The following GALNT13 variants were observed in gnomAD, a reference collection of about 807,000 sequenced individuals.
GALNT13 encodes polypeptide N-acetylgalactosaminyltransferase 13.
A neutral mutation model predicts 64.2 loss-of-function variants in GALNT13; 28 were observed. That is an observed-to-expected ratio of 0.44 (90% confidence interval 0.32 to 0.60). The LOEUF (loss-of-function observed/expected upper bound fraction) is 0.60. Ranked by LOEUF, GALNT13 falls within the 20% of genes least tolerant of loss-of-function variation. The probability of loss-of-function intolerance (pLI) is 0.05; values close to 1 mark genes in which losing one functional copy is unlikely to be tolerated. For missense variants in GALNT13, 577 were observed against 669.8 expected (o/e 0.86, Z 1.53); for synonymous variants, 214 against 224.6 (o/e 0.95, Z 0.42).
intron 3 of GALNT13, among the ~76,000 whole-genome samples, chr2:153,945,377 A>C (rs1691650969): frequency 2.0e-5 from 3 of 152,130 alleles, no homozygotes; most frequent in Admixed American, 2.0e-4. Context: ...ATATATTTCT[A>C]ATGTATTCCT....
chr2:154,371,844 A>G (rs1175702304), intron 9 of GALNT13, among the ~76,000 whole-genome samples: 2 of 151,866 alleles, frequency 1.3e-5, no homozygotes, highest in East Asian at 3.9e-4. Flanking sequence ...AGGTAAGTCA[A>G]CATACACATA....
chr2:153,411,026 A>T, the GALNT13 span, among the ~76,000 whole-genome samples: 689 of 152,012 alleles, frequency 4.5e-3, 6 homozygotes, highest in African/African-American at 0.016. Context: ...CAACAGGCCC[A>T]GCTAATTTTT....
chr2:154,415,174 A>G (rs572203895), intron 11 of GALNT13, among the ~76,000 whole-genome samples: 1 of 152,002 alleles, frequency 6.6e-6, no homozygotes, highest in East Asian at 1.9e-4. Flanking sequence ...TATATTCATA[A>G]TTAGGTAAAA....
chr2:153,270,610 C>A, the GALNT13 span, among the ~76,000 whole-genome samples: 1 of 152,148 alleles, frequency 6.6e-6, no homozygotes, highest in Non-Finnish European at 1.5e-5. Context: ...CCTGTAGTCT[C>A]AGCACTATGT....
intron 9 of GALNT13, among the ~76,000 whole-genome samples, chr2:154,387,610 A>G (rs185762741): frequency 6.6e-6 from 1 of 152,254 alleles, no homozygotes; most frequent in Admixed American, 6.5e-5. Flanking sequence ...GGTAACCATC[A>G]TTCTATTCTC....
At chr2:154,418,951 G>T (rs1233899954) in intron 11 of GALNT13, among the ~76,000 whole-genome samples, 1 of 152,026 alleles carries the variant, frequency 6.6e-6, no homozygotes, top group African/African-American at 2.4e-5. Context: ...TGTTTTTAGA[G>T]ATTCTATTTT....
At chr2:154,270,381 T>C (rs1418852371) in intron 8 of GALNT13, among the ~76,000 whole-genome samples, 1 of 151,992 alleles carries the variant, frequency 6.6e-6, no homozygotes, top group African/African-American at 2.4e-5. Flanking sequence ...TGGTTCTCTT[T>C]TATATTCATT....
In GALNT13 at chr2:154,292,818, CAAT is replaced by C. The variant is rs146417842; in HGVS notation, c.976-8589_976-8587del. Among the ~76,000 whole-genome samples, 233 of 152,198 alleles carry C rather than the reference CAAT, an allele frequency of 1.5e-3. 1 individual carries two copies. The highest frequency in any genetic ancestry group is 5.3e-3 in the African/African-American group (222 of 41,530). Reference sequence around the variant, plus strand: ...GGTACAACAGCTGTAAAATTAGAAACAATAGTAGCACTGGAACTGACATTGCAA... The same window carrying C: ...GGTACAACAGCTGTAAAATTAGAAACAGTAGCACTGGAACTGACATTGCAA... On this transcript the variant is annotated intron_variant, in intron 8 of 12. Coordinates refer to ENST00000392825, the MANE Select transcript of GALNT13 (RefSeq NM_052917.4).
chr2:153,508,828 G>A, the GALNT13 span, among the ~76,000 whole-genome samples: 650 of 152,328 alleles, frequency 4.3e-3, 1 homozygote, highest in Non-Finnish European at 7.3e-3. Flanking sequence ...CCAAGTGGGA[G>A]CTGCATGGTA....
At chr2:153,629,226 G>A in the GALNT13 span, among the ~76,000 whole-genome samples, 1 of 147,550 alleles carries the variant, frequency 6.8e-6, no homozygotes, top group Admixed American at 6.8e-5. Context: ...CATCTATATT[G>A]CATCTACCTG....
the GALNT13 span, among the ~76,000 whole-genome samples, chr2:153,190,156 T>C: frequency 2.0e-5 from 3 of 152,128 alleles, no homozygotes; most frequent in Non-Finnish European, 4.4e-5. Context: ...ATCTTAGCCA[T>C]AAAATGTTTG....
intron 3 of GALNT13, among the ~76,000 whole-genome samples, chr2:154,023,298 A>T (rs1386726192): frequency 6.6e-6 from 1 of 152,176 alleles, no homozygotes; most frequent in African/African-American, 2.4e-5. Flanking sequence ...GGGGTGTTAA[A>T]GTCTCCGATT....
At chr2:153,315,241 A>G in the GALNT13 span, among the ~76,000 whole-genome samples, 16 of 152,266 alleles carry the variant, frequency 1.1e-4, no homozygotes, top group African/African-American at 3.8e-4. Flanking sequence ...TTTATTTCTC[A>G]CCTTTCTGGA....
the GALNT13 span, among the ~76,000 whole-genome samples, chr2:153,801,765 A>G: frequency 9.8e-5 from 15 of 152,328 alleles, no homozygotes; most frequent in Non-Finnish European, 1.6e-4. Context: ...GGGTTGCCAC[A>G]AACTGTCAAT....
chr2:153,843,508 T>G, the GALNT13 span, among the ~76,000 whole-genome samples: 1 of 152,328 alleles, frequency 6.6e-6, no homozygotes, highest in South Asian at 2.1e-4. Context: ...AGACAGAGAC[T>G]ACTATCCAAA....
At chr2:153,087,430 C>T in the GALNT13 span, among the ~76,000 whole-genome samples, 3 of 151,758 alleles carry the variant, frequency 2.0e-5, no homozygotes, top group South Asian at 2.1e-4. Flanking sequence ...GATAATGGTC[C>T]GTAGTTTTCT....
At chr2:153,482,841 A>G in the GALNT13 span, among the ~76,000 whole-genome samples, 5 of 151,978 alleles carry the variant, frequency 3.3e-5, no homozygotes, top group Non-Finnish European at 7.4e-5. Context: ...ACTTTACAGA[A>G]TTTTGAAAGG....
chr2:153,912,457 T>TTCTC (rs1689016384), intron 2 of GALNT13, among the ~76,000 whole-genome samples: 1 of 152,152 alleles, frequency 6.6e-6, no homozygotes, highest in Non-Finnish European at 1.5e-5. Flanking sequence ...ACTAGGGTGG[T>TTCTC]CATTTGGAGA....
the GALNT13 span, among the ~76,000 whole-genome samples, chr2:153,288,025 G>C: frequency 2.0e-5 from 3 of 152,052 alleles, no homozygotes; most frequent in Admixed American, 2.0e-4. Flanking sequence ...GTGAGTGAAT[G>C]GACACTCACA....
Sources: gnomAD v4.1 joint callset for allele counts (sites outside exome capture counted in the v4.1 genomes callset) on GRCh38, gnomAD v4.1.1 for gene constraint, MANE v1.5 for transcripts, NCBI Gene and HGNC (gene_info 2026-07-23, HGNC 2026-07-21) for gene names.